Variants in CUL4B observed in about 807,000 individuals in gnomAD.
The protein encoded by CUL4B is cullin-4B.
A neutral mutation model predicts 69.2 loss-of-function variants in CUL4B; 1 was observed. The observed-to-expected ratio is 0.01, with a 90% CI of 0.01 to 0.07. CUL4B has a LOEUF of 0.07. CUL4B is among the 10% of genes least tolerant of loss of function. The pLI, the probability that CUL4B is intolerant of heterozygous loss-of-function variation, is 1.00. For synonymous variants in CUL4B, 237 were observed against 223.2 expected (o/e 1.06, Z -0.55); for missense variants, 328 against 638.8 (o/e 0.51, Z 5.24).
intron 1 of CUL4B, among the ~76,000 whole-genome samples, chrX:120,559,369 C>A (rs758469566): frequency 1.8e-5 from 2 of 112,129 alleles, no homozygotes; most frequent in Non-Finnish European, 3.8e-5. Flanking sequence ...CCTCACATAT[C>A]TCAAACACGG....
At position 120,560,248 on chromosome X, in the gene CUL4B, C is replaced by T; in HGVS notation, c.391G>A (p.Ala131Thr). The T allele has an allele frequency of 8.3e-7, 1 of 1,211,746 alleles. No homozygotes were observed. The highest frequency in any genetic ancestry group is 1.1e-6 in the Non-Finnish European group (1 of 895,528). ...AGTTGCTGCTGCTGAGATGTTGCAG[C>T]AGTTGGTGAAGATGAGGAGGAGGAG... Reference protein sequence around the residue: ...SSSSSSSSPTAATSQQQQLKN... With the variant: ...SSSSSSSSPTTATSQQQQLKN... Residue 131 changes from alanine to threonine, a missense_variant, in exon 1 of 20, where the codon GCT (alanine) becomes ACT (threonine). Around this residue, in one of 4 missense-constraint regions of CUL4B, gnomAD observed 102 missense variants for 122.1 expected, o/e 0.84. Coordinates refer to ENST00000371322, the MANE Select transcript of CUL4B (RefSeq NM_001079872.2).
chrX:120,530,357 G>A, intron 18 of CUL4B, 103 bp from the exon 19 acceptor site: 5 of 774,612 alleles, frequency 6.5e-6, no homozygotes, highest in Non-Finnish European at 9.7e-6. Context: ...TGCTTTAAAG[G>A]TACTGAATTA....
chrX:120,534,347 C>T, intron 17 of CUL4B, 134 bp downstream of exon 17: 1 of 515,943 alleles, frequency 1.9e-6, no homozygotes, highest in Admixed American at 2.6e-5. Context: ...AGAGTGAGAC[C>T]CTGTCTCATT....
chrX:120,538,891 TAA>T, intron 12 of CUL4B, 121 bp from the exon 13 acceptor site: 1 of 484,019 alleles, frequency 2.1e-6, no homozygotes, highest in Admixed American at 3.7e-5. Flanking sequence ...ACATTTTATT[TAA>T]GTTTGTTAAA....
chrX:120,543,906 G>A, intron 7 of CUL4B, 97 bp from the exon 8 acceptor site: 1 of 659,359 alleles, frequency 1.5e-6, no homozygotes, highest in Non-Finnish European at 2.5e-6. Context: ...TGTCAAATGT[G>A]ACAGGGTAGA....
chrX:120,535,103 G>A (rs921788454), intron 16 of CUL4B, among the ~76,000 whole-genome samples: 1 of 111,199 alleles, frequency 9.0e-6, no homozygotes, highest in African/African-American at 3.3e-5. Flanking sequence ...GCGGAGGCAG[G>A]GGGATAGCTT....
chrX:120,543,462 C>T (rs970465743), intron 8 of CUL4B, among the ~76,000 whole-genome samples: 4 of 105,409 alleles, frequency 3.8e-5, no homozygotes, highest in African/African-American at 1.0e-4. Flanking sequence ...AAGGTCACAT[C>T]AGCCTCTAGT....
chrX:120,534,468 G>A lies in CUL4B; in HGVS notation c.2266+13C>T. ...GGTGTGCACATAGTGAACAATTAAT[G>A]TTTGCTACAAACCTATTCCAGTTGC... On this transcript the variant is annotated intron_variant, in intron 17 of 19. Coordinates refer to ENST00000371322, the MANE Select transcript of CUL4B (RefSeq NM_001079872.2). 9.0e-7 allele frequency: 1 copy of A among 1,109,557 alleles called. No homozygotes were observed. Among genetic ancestry groups the A allele is most frequent in the Non-Finnish European group, 1.2e-6 (1 of 802,944 alleles). 91.4% of individuals were successfully genotyped at this position (1,109,557 alleles called of 1,213,427 possible).
chrX:120,536,425 G>A, intron 15 of CUL4B, among the ~76,000 whole-genome samples: 1 of 112,343 alleles, frequency 8.9e-6, no homozygotes, highest in East Asian at 2.8e-4. Context: ...ATGGGCTTCA[G>A]TCCTGGACTA....
At chrX:120,539,417 C>T (rs374813318) in intron 11 of CUL4B, 45 bp from the exon 12 acceptor site, 31 of 787,852 alleles carry the variant, frequency 3.9e-5, no homozygotes, top group Admixed American at 5.0e-5. Flanking sequence ...GGGGAATACA[C>T]GAGGTACTGG....
At chrX:120,561,897 T>C (rs1176034799), upstream of CUL4B, among the ~76,000 whole-genome samples, 2 of 110,983 alleles carry the variant, frequency 1.8e-5, no homozygotes, top group African/African-American at 6.6e-5. Context: ...CCGGTATAAA[T>C]TGTTTCTCTT....
intron 2 of CUL4B, among the ~76,000 whole-genome samples, chrX:120,552,034 T>C (rs1293480302): frequency 8.9e-6 from 1 of 112,334 alleles, no homozygotes; most frequent in African/African-American, 3.2e-5. Context: ...TTTTAAATAT[T>C]ATGTATTTAT....
At chrX:120,541,842 G>A (rs892508192) in intron 9 of CUL4B, 122 bp from the exon 10 acceptor site, 1 of 517,878 alleles carries the variant, frequency 1.9e-6, no homozygotes, top group African/African-American at 2.3e-5. Flanking sequence ...ACTATGACTA[G>A]TCTGTATGTG....
chrX:120,559,691 C>A (rs1352157261), intron 1 of CUL4B: 1 of 720,918 alleles, frequency 1.4e-6, no homozygotes, highest in East Asian at 7.9e-5. Context: ...ATGTGGCCTA[C>A]TGAAGCATAA....
intron 2 of CUL4B, among the ~76,000 whole-genome samples, chrX:120,550,356 G>A (rs1269463249): frequency 8.9e-6 from 1 of 112,048 alleles, no homozygotes; most frequent in Non-Finnish European, 1.9e-5. Context: ...CTCTAGCAAT[G>A]TGTCCTGCAC....
Position 120,548,662 on chromosome X carries a change from C to T in CUL4B, c.673-1423G>A, listed in dbSNP as rs377668970. ...CAGCCTGGCCAACATAGTGAAACCC[C>T]GTCTCCACTAAAAATACAAAAATTA... On this transcript the variant is annotated intron_variant, in intron 2 of 19. Coordinates refer to ENST00000371322, the MANE Select transcript of CUL4B (RefSeq NM_001079872.2). Among the ~76,000 whole-genome samples, 11 of 109,655 alleles carry T rather than the reference C, an allele frequency of 1.0e-4. No homozygotes were observed. The East Asian group carries it at 2.6e-3, about 26-fold the overall frequency.
At chrX:120,531,464 T>A (rs1349972027) in intron 18 of CUL4B, among the ~76,000 whole-genome samples, 1 of 107,884 alleles carries the variant, frequency 9.3e-6, no homozygotes, top group Non-Finnish European at 1.9e-5. Context: ...TGTTTTTGTT[T>A]TTTTTTTCTT....
chrX:120,569,141 A>C (rs906277049), downstream of CUL4B, among the ~76,000 whole-genome samples: 2 of 110,844 alleles, frequency 1.8e-5, no homozygotes, highest in African/African-American at 6.6e-5. Flanking sequence ...CTCTGGCTGG[A>C]CCCTCAGCCA....
At chrX:120,559,825 T>C (rs1925179154) in intron 1 of CUL4B, 1 of 1,119,615 alleles carries the variant, frequency 8.9e-7, no homozygotes, top group Non-Finnish European at 1.2e-6. Context: ...TTATAAGGAA[T>C]AACAGATTAA....
Sources: gnomAD v4.1 joint callset for allele counts (sites outside exome capture counted in the v4.1 genomes callset) on GRCh38, gnomAD v4.1.1 for gene constraint, gnomAD v4.1.1 regional missense constraint, MANE v1.5 for transcripts, NCBI Gene and HGNC (gene_info 2026-07-23, HGNC 2026-07-21) for gene names.